ATRNL1: variants seen among roughly 807,000 people sequenced by gnomAD.
The protein encoded by ATRNL1 is attractin like 1.
Under a neutral mutation model 182.7 loss-of-function variants are expected in ATRNL1, and 95 were observed. The ratio of observed to expected loss-of-function variants is 0.52; its 90% confidence interval spans 0.44 to 0.62. ATRNL1 has a LOEUF of 0.62. ATRNL1 is among the 20% of genes least tolerant of loss of function. The pLI is 0.00. For missense variants in ATRNL1, 1,471 were observed against 1,679.5 expected, an observed-to-expected ratio of 0.88 and a Z score of 2.17; for synonymous variants, 576 against 568.3, an observed-to-expected ratio of 1.01 and a Z score of -0.19.
Position 115,896,100 on chromosome 10 carries a change from G to T in ATRNL1, c.4018+48109G>T, listed in dbSNP as rs191904673. On this transcript the variant is annotated intron_variant, in intron 28 of 28. Transcript: ENST00000355044. ...TCATCATCATCATCAAACCATGTTT[G>T]TAAAATTCTTCTAACACGTTCAGCA... 2.1e-3 allele frequency among the ~76,000 whole-genome samples: 324 copies of T among 152,278 alleles called. 1 individual carries two copies. Among genetic ancestry groups the T allele is most frequent in the Non-Finnish European group, 3.7e-3 (250 of 68,020 alleles).
chr10:115,572,983 C>A (rs958231452), intron 26 of ATRNL1, among the ~76,000 whole-genome samples: 2 of 152,130 alleles, frequency 1.3e-5, no homozygotes, highest in East Asian at 3.9e-4. Flanking sequence ...TGAGTGTCTG[C>A]AACCCCAGTT....
Position 115,281,431 on chromosome 10 carries a change from C to T in ATRNL1, c.2177C>T (p.Ser726Leu). The part of the protein sequence containing the change: ...CNKLTSCKSC[S>L]LNLNCQWDQR... ...AAACTTACCAGCTGTAAAAGCTGTT[C>T]ACTAAACTTGAATTGCCAGTGGGAT... The change falls in exon 14 of 29, where the codon TCA becomes TTA. Residue 726 changes from serine to leucine, a missense_variant. Ser to Leu is a moderately radical substitution (Grantham distance 145). This residue lies in a region of ATRNL1 where 1,031 missense variants were observed against 1,156.0 expected (regional missense o/e 0.89). Coordinates refer to ENST00000355044, the MANE Select transcript of ATRNL1 (RefSeq NM_207303.4). 6.2e-7 allele frequency: 1 copy of T among 1,613,480 alleles called. No individual in the cohort carries two copies. Among genetic ancestry groups the T allele is most frequent in the Non-Finnish European group, 8.5e-7 (1 of 1,179,656 alleles).
chr10:115,907,944 C>T (rs769726746), intron 28 of ATRNL1, among the ~76,000 whole-genome samples: 1 of 152,080 alleles, frequency 6.6e-6, no homozygotes, highest in Non-Finnish European at 1.5e-5. Context: ...AAGCATACAC[C>T]GTCTTATTGA....
intron 26 of ATRNL1, among the ~76,000 whole-genome samples, chr10:115,596,039 G>A (rs776695422): frequency 5.9e-5 from 9 of 152,060 alleles, no homozygotes; most frequent in Non-Finnish European, 1.3e-4. Context: ...AGTGTTATTC[G>A]TAAAAGTTAC....
chr10:115,201,863 G>A (rs1263705935), intron 8 of ATRNL1, among the ~76,000 whole-genome samples: 1 of 152,178 alleles, frequency 6.6e-6, no homozygotes, highest in Non-Finnish European at 1.5e-5. Context: ...CCACCCATGA[G>A]CATGGAATAT....
intron 24 of ATRNL1, among the ~76,000 whole-genome samples, chr10:115,476,538 TTTC>T (rs1565084038): frequency 6.6e-6 from 1 of 151,348 alleles, no homozygotes; most frequent in African/African-American, 2.4e-5. Context: ...ATTGTCAGAT[TTTC>T]TTCTTGTTTT....
chr10:115,764,720 T>A (rs145640311), intron 27 of ATRNL1, among the ~76,000 whole-genome samples: 4,843 of 152,280 alleles, frequency 0.032, 232 homozygotes, highest in African/African-American at 0.11. Flanking sequence ...TTGCCCAGGC[T>A]GGAGTGCAAT....
intron 24 of ATRNL1, among the ~76,000 whole-genome samples, chr10:115,497,702 T>C (rs1286284232): frequency 6.6e-6 from 1 of 151,504 alleles, no homozygotes; most frequent in Non-Finnish European, 1.5e-5. Flanking sequence ...TCTGTTGCCA[T>C]GCTGGAGTGC....
At chr10:115,383,302 A>G (rs1858134648) in intron 19 of ATRNL1, among the ~76,000 whole-genome samples, 1 of 81,006 alleles carries the variant, frequency 1.2e-5, no homozygotes, top group African/African-American at 4.8e-5. Flanking sequence ...TAAAGTTGGT[A>G]GTGATGTCTC....
intron 1 of ATRNL1, among the ~76,000 whole-genome samples, chr10:115,097,975 C>T (rs1554863585): frequency 1.3e-5 from 2 of 152,032 alleles, no homozygotes; most frequent in African/African-American, 4.8e-5. Flanking sequence ...TATATATATG[C>T]ATATGTAAAT....
intron 28 of ATRNL1, among the ~76,000 whole-genome samples, chr10:115,938,575 G>A (rs1035727463): frequency 1.3e-5 from 2 of 152,136 alleles, no homozygotes; most frequent in African/African-American, 4.8e-5. Context: ...ATTCACAATA[G>A]TCAAGATATA....
intron 5 of ATRNL1, among the ~76,000 whole-genome samples, chr10:115,132,973 T>G (rs1240246422): frequency 6.6e-6 from 1 of 152,248 alleles, no homozygotes; most frequent in Non-Finnish European, 1.5e-5. Flanking sequence ...TTGTTGCCAT[T>G]GCTTTTGGTG....
intron 26 of ATRNL1, among the ~76,000 whole-genome samples, chr10:115,655,421 G>A (rs1162566617): frequency 6.6e-6 from 1 of 152,094 alleles, no homozygotes; most frequent in African/African-American, 2.4e-5. Flanking sequence ...TAAGTATTAA[G>A]GTTATTTTTT....
intron 9 of ATRNL1, among the ~76,000 whole-genome samples, chr10:115,226,232 C>T (rs1554898647): frequency 6.6e-6 from 1 of 151,914 alleles, no homozygotes; most frequent in African/African-American, 2.4e-5. Flanking sequence ...TTAAGCCCTA[C>T]CTCACATCAT....
intron 26 of ATRNL1, among the ~76,000 whole-genome samples, chr10:115,700,529 C>CT (rs1210712723): frequency 6.6e-6 from 1 of 152,146 alleles, no homozygotes; most frequent in African/African-American, 2.4e-5. Context: ...CTTTTGCCCA[C>CT]TTTTTACTGG....
At chr10:115,302,158 T>C (rs1380922085) in intron 17 of ATRNL1, 115 bp downstream of exon 17, 12 of 1,041,882 alleles carry the variant, frequency 1.2e-5, no homozygotes, top group Non-Finnish European at 1.6e-5. Context: ...AAAAATATTG[T>C]TACGGCTACT....
intron 9 of ATRNL1, among the ~76,000 whole-genome samples, chr10:115,218,184 C>T (rs1174818825): frequency 1.3e-5 from 2 of 151,122 alleles, no homozygotes; most frequent in Non-Finnish European, 2.9e-5. Context: ...CTAGATGGTC[C>T]CATTCTGGGG....
intron 28 of ATRNL1, among the ~76,000 whole-genome samples, chr10:115,941,278 A>G (rs1290941626): frequency 6.6e-6 from 1 of 152,238 alleles, no homozygotes; most frequent in Non-Finnish European, 1.5e-5. Context: ...AAGAACTGAA[A>G]TATTTATGAT....
intron 24 of ATRNL1, among the ~76,000 whole-genome samples, chr10:115,518,660 A>T (rs1481170926): frequency 6.6e-6 from 1 of 151,948 alleles, no homozygotes; most frequent in Admixed American, 6.6e-5. Context: ...ACAATCAGTT[A>T]TTCTCTATCC....
Sources: gnomAD v4.1 joint callset for allele counts (sites outside exome capture counted in the v4.1 genomes callset) on GRCh38, gnomAD v4.1.1 for gene constraint, gnomAD v4.1.1 regional missense constraint, MANE v1.5 for transcripts, NCBI Gene and HGNC (gene_info 2026-07-23, HGNC 2026-07-21) for gene names.